Variants in TAAR5 observed in about 807,000 individuals in gnomAD.
TAAR5 encodes trace amine-associated receptor 5.
In TAAR5, 27 loss-of-function variants were observed where a neutral mutation model predicts 21.1. The observed-to-expected ratio is 1.28, with a 90% CI of 0.94 to 1.76. The LOEUF is 1.76. Among genes scored for constraint, TAAR5 ranks in the 40% most tolerant of loss-of-function variants. The pLI is 0.00. For missense variants in TAAR5, 495 were observed against 405.6 expected (o/e 1.22, Z -1.89); for synonymous variants, 203 against 167.5 (o/e 1.21, Z -1.64).
chr6:132,601,558 C>T, the TAAR5 span, among the ~76,000 whole-genome samples: 2 of 152,148 alleles, frequency 1.3e-5, no homozygotes, highest in Non-Finnish European at 2.9e-5. Context: ...CAAACAACCA[C>T]GGTATTTACT....
the TAAR5 span, among the ~76,000 whole-genome samples, chr6:132,603,101 G>A: frequency 2.0e-5 from 3 of 151,848 alleles, no homozygotes; most frequent in Admixed American, 6.6e-5. Flanking sequence ...CCAGGAGTTC[G>A]AGACCAGCCT....
chr6:132,605,006 G>A, the TAAR5 span, among the ~76,000 whole-genome samples: 3 of 152,172 alleles, frequency 2.0e-5, no homozygotes, highest in Non-Finnish European at 4.4e-5. Flanking sequence ...CAGCCCCAGG[G>A]CAATGTGGAA....
At chr6:132,615,701 T>C in the TAAR5 span, among the ~76,000 whole-genome samples, 1 of 151,874 alleles carries the variant, frequency 6.6e-6, no homozygotes, top group Non-Finnish European at 1.5e-5. Flanking sequence ...CACAGCAGGG[T>C]GATTATGTTT....
the TAAR5 span, among the ~76,000 whole-genome samples, chr6:132,600,621 G>C: frequency 6.6e-6 from 1 of 151,946 alleles, no homozygotes; most frequent in African/African-American, 2.4e-5. Flanking sequence ...ACATGCTTTG[G>C]ACATTAAAAA....
the TAAR5 span, among the ~76,000 whole-genome samples, chr6:132,600,924 G>A: frequency 6.4e-4 from 66 of 103,324 alleles, no homozygotes; most frequent in South Asian, 2.2e-3. Flanking sequence ...AAGGAAGGAA[G>A]GAGGGAAGGA....
At chr6:132,607,022 CCT>C in the TAAR5 span, among the ~76,000 whole-genome samples, 1 of 151,846 alleles carries the variant, frequency 6.6e-6, no homozygotes, top group Non-Finnish European at 1.5e-5. Flanking sequence ...ATGACGAAAC[CCT>C]GTCTCTACTA....
upstream of TAAR5, among the ~76,000 whole-genome samples, chr6:132,593,015 T>G (rs1776927859): frequency 6.6e-6 from 1 of 152,124 alleles, no homozygotes; most frequent in Non-Finnish European, 1.5e-5. Context: ...TTCACTTCAG[T>G]GGGTGAAAGT....
upstream of TAAR5, among the ~76,000 whole-genome samples, chr6:132,593,957 G>A (rs933621491): frequency 2.0e-5 from 3 of 152,094 alleles, no homozygotes; most frequent in African/African-American, 7.2e-5. Flanking sequence ...TGTATGCCCA[G>A]GCTCTCTCCC....
At chr6:132,609,477 G>GA in the TAAR5 span, among the ~76,000 whole-genome samples, 1 of 152,062 alleles carries the variant, frequency 6.6e-6, no homozygotes, top group Non-Finnish European at 1.5e-5. Context: ...TGGTACGTTA[G>GA]AAAAATGACA....
chr6:132,600,687 C>A, the TAAR5 span, among the ~76,000 whole-genome samples: 1 of 151,344 alleles, frequency 6.6e-6, no homozygotes, highest in Non-Finnish European at 1.5e-5. Context: ...ACTGCTCATC[C>A]CCAAAGAAGA....
At chr6:132,604,622 G>A in the TAAR5 span, among the ~76,000 whole-genome samples, 1 of 152,168 alleles carries the variant, frequency 6.6e-6, no homozygotes, top group South Asian at 2.1e-4. Context: ...GTGCAGCTGA[G>A]AGGAGAGATT....
At chr6:132,603,777 A>G in the TAAR5 span, among the ~76,000 whole-genome samples, 1 of 152,194 alleles carries the variant, frequency 6.6e-6, no homozygotes, top group Non-Finnish European at 1.5e-5. Context: ...GTAAGTCATT[A>G]AGTTTACAAT....
the TAAR5 span, among the ~76,000 whole-genome samples, chr6:132,607,159 G>A: frequency 1.3e-5 from 2 of 151,888 alleles, no homozygotes; most frequent in Non-Finnish European, 2.9e-5. Flanking sequence ...TGTGCCACTG[G>A]ACTCCAGCCC....
the TAAR5 span, chr6:132,609,189 C>A: frequency 2.8e-6 from 1 of 358,284 alleles, no homozygotes; most frequent in African/African-American, 2.1e-5. Flanking sequence ...ATCACCTGGA[C>A]ATGAAAAGAG....
At chr6:132,614,155 A>C in the TAAR5 span, among the ~76,000 whole-genome samples, 1 of 152,198 alleles carries the variant, frequency 6.6e-6, no homozygotes, top group African/African-American at 2.4e-5. Flanking sequence ...TGTCATAAAT[A>C]ATTCTCCTTT....
the TAAR5 span, among the ~76,000 whole-genome samples, chr6:132,596,159 C>T: frequency 6.4e-4 from 97 of 152,250 alleles, 1 homozygote; most frequent in East Asian, 0.018. Context: ...CATTTAGCAG[C>T]TGTATTCATG....
rs1388646696 is a variant in TAAR5, at chr6:132,589,214, C to A, written c.473G>T (p.Gly158Val). Residue 158 changes from glycine to valine, a missense_variant, in exon 1 of 1, where the codon GGA becomes GTA. Physicochemically the swap from Gly to Val is moderately radical, Grantham distance 109. Coordinates refer to ENST00000258034, the MANE Select transcript of TAAR5 (RefSeq NM_003967.3). ...VRVALRYILAGWGVPAAYTSL... is the reference protein window; with the variant it reads ...VRVALRYILAVWGVPAAYTSL... ...AGTGTATGCTGCGGGCACCCCCCATCCTGCCAGGATGTACCTGAGAGCCAC... is the reference window on the plus strand; with the variant it reads ...AGTGTATGCTGCGGGCACCCCCCATACTGCCAGGATGTACCTGAGAGCCAC... 1.4e-5 allele frequency: 23 copies of A among 1,605,608 alleles called. No individual in the cohort carries two copies. Among genetic ancestry groups the A allele is most frequent in the Non-Finnish European group, 2.0e-5 (23 of 1,175,696 alleles).
At chr6:132,600,987 A>G in the TAAR5 span, among the ~76,000 whole-genome samples, 15 of 104,462 alleles carry the variant, frequency 1.4e-4, no homozygotes, top group South Asian at 4.0e-4. Flanking sequence ...GAAAGAAGGA[A>G]GGAAGGAGGG....
upstream of TAAR5, among the ~76,000 whole-genome samples, chr6:132,593,920 C>T (rs1776940618): frequency 6.6e-6 from 1 of 152,208 alleles, no homozygotes; most frequent in African/African-American, 2.4e-5. Context: ...TTCCGCATCA[C>T]TAGCATGCTC....
Sources: allele counts gnomAD v4.1 joint callset (sites outside exome capture counted in the v4.1 genomes callset), GRCh38; gene constraint gnomAD v4.1.1; transcripts MANE v1.5; gene names NCBI Gene and HGNC (gene_info 2026-07-23, HGNC 2026-07-21).